PKP4: variants seen among roughly 807,000 people sequenced by gnomAD.
The protein encoded by PKP4 is plakophilin 4.
A neutral mutation model predicts 145.1 loss-of-function variants in PKP4; 90 were observed. That is an observed-to-expected ratio of 0.62 (90% CI 0.52 to 0.74). PKP4 has a LOEUF of 0.74. Ranked by LOEUF, PKP4 falls within the 30% of genes least tolerant of loss-of-function variation. The probability of loss-of-function intolerance (pLI) is 0.00; values close to 1 mark genes in which losing one functional copy is unlikely to be tolerated. For synonymous variants in PKP4, 563 were observed against 577.2 expected (o/e 0.98, Z 0.35); for missense variants, 1,340 against 1,482.7 (o/e 0.90, Z 1.58).
Position 158,578,966 on chromosome 2 carries a change from A to G in PKP4, c.245+1583A>G, listed in dbSNP as rs371430862. Among the ~76,000 whole-genome samples, 6 of 152,280 alleles carry G rather than the reference A, an allele frequency of 3.9e-5. No individual in the cohort carries two copies. The East Asian group carries it at 1.2e-3, about 29-fold the overall frequency. The stretch of plus-strand genomic sequence containing the variant: ...AGTAAGCACTAGAGGTGGATTTTAT[A>G]CCCATAGAGGAGCTAAAGAATGAAG... On this transcript the variant is annotated intron_variant, in intron 3 of 21. Transcript: ENST00000389759.
Position 158,587,529 on chromosome 2 carries a change from G to A in PKP4, c.245+10146G>A, listed in dbSNP as rs528277575. Among the ~76,000 whole-genome samples the A allele has an allele frequency of 2.6e-5, 4 of 152,030 alleles. No individual in the cohort carries two copies. In the South Asian group the frequency reaches 6.2e-4, roughly 24 times the overall value. ...AAGATGCTTGAACAGATTTGCCTTC[G>A]CTGCTTTATAGGAGTTAGTAATTAC... On this transcript the variant is annotated intron_variant, in intron 3 of 21. Transcript: ENST00000389759.
chr2:158,644,906 T>G (rs1266814097), intron 11 of PKP4, among the ~76,000 whole-genome samples: 3 of 152,188 alleles, frequency 2.0e-5, no homozygotes, highest in Non-Finnish European at 4.4e-5. Flanking sequence ...ATGCTTGAGA[T>G]ATTTAATTTA....
In PKP4 at chr2:158,622,230, G is replaced by C. The variant is rs187272276; in HGVS notation, c.603+809G>C. Among the ~76,000 whole-genome samples, 16 of 152,174 alleles carry C rather than the reference G, an allele frequency of 1.1e-4. No individual in the cohort carries two copies. In the East Asian group the frequency reaches 2.9e-3, roughly 28 times the overall value. On this transcript the variant is annotated intron_variant, in intron 6 of 21. Transcript: ENST00000389759. Reference sequence around the variant, plus strand: ...CTTTTCTTTTACTAGATAGAATACAGCTATTCCTGCTTAAAGAAAGTTATT... The same window carrying C: ...CTTTTCTTTTACTAGATAGAATACACCTATTCCTGCTTAAAGAAAGTTATT...
chr2:158,508,379 A>G (rs945287547), intron 1 of PKP4, among the ~76,000 whole-genome samples: 1 of 138,726 alleles, frequency 7.2e-6, no homozygotes, highest in Admixed American at 7.6e-5. Flanking sequence ...AAAAAAAAAA[A>G]AAAAAAAAAG....
intron 8 of PKP4, among the ~76,000 whole-genome samples, chr2:158,633,048 T>C (rs772273160): frequency 2.0e-5 from 3 of 152,224 alleles, no homozygotes; most frequent in Non-Finnish European, 4.4e-5. Flanking sequence ...GGAGTAGCTG[T>C]AGAATCATTT....
chr2:158,471,125 GGA>G (rs1474164630), intron 1 of PKP4, among the ~76,000 whole-genome samples: 1 of 152,204 alleles, frequency 6.6e-6, no homozygotes, highest in Admixed American at 6.5e-5. Context: ...TGGAGGTGAA[GGA>G]GAGAGAATGA....
chr2:158,581,851 T>A (rs2048360860), intron 3 of PKP4, among the ~76,000 whole-genome samples: 1 of 152,248 alleles, frequency 6.6e-6, no homozygotes, highest in African/African-American at 2.4e-5. Flanking sequence ...ATAAAATTCC[T>A]TAGTTTTTCT....
At chr2:158,581,276 G>A (rs1162518146) in intron 3 of PKP4, among the ~76,000 whole-genome samples, 1 of 152,120 alleles carries the variant, frequency 6.6e-6, no homozygotes, top group African/African-American at 2.4e-5. Flanking sequence ...GGGCCATCAA[G>A]CTTCTGTTTG....
intron 7 of PKP4, 42 bp from the exon 8 acceptor site, chr2:158,631,711 T>A: frequency 6.6e-7 from 1 of 1,509,006 alleles, no homozygotes. Context: ...AACCTCACTG[T>A]GATTGTCTCA....
chr2:158,677,567 A>G (rs2058115531), intron 20 of PKP4, among the ~76,000 whole-genome samples: 1 of 152,216 alleles, frequency 6.6e-6, no homozygotes, highest in Non-Finnish European at 1.5e-5. Flanking sequence ...GAGCTACCCC[A>G]CAAAAAGTAC....
chr2:158,461,143 G>T (rs992426862), intron 1 of PKP4, among the ~76,000 whole-genome samples: 3 of 152,128 alleles, frequency 2.0e-5, no homozygotes, highest in African/African-American at 7.2e-5. Context: ...GCTGGTTTCA[G>T]TTCAGAAGTT....
At chr2:158,540,504 G>A (rs2044422460) in intron 2 of PKP4, among the ~76,000 whole-genome samples, 1 of 152,156 alleles carries the variant, frequency 6.6e-6, no homozygotes, top group Non-Finnish European at 1.5e-5. Context: ...GGGATAAGTA[G>A]ACATATAAAG....
intron 1 of PKP4, among the ~76,000 whole-genome samples, chr2:158,472,331 C>T (rs760548269): frequency 5.3e-4 from 80 of 151,796 alleles, no homozygotes; most frequent in Admixed American, 1.5e-3. Context: ...AGAATTAGGC[C>T]GGGCGTGGTG....
intron 1 of PKP4, among the ~76,000 whole-genome samples, chr2:158,466,836 A>C (rs1443539043): frequency 6.6e-6 from 1 of 152,256 alleles, no homozygotes; most frequent in Non-Finnish European, 1.5e-5. Context: ...GCACCAATCA[A>C]GCACCAAGAC....
At position 158,566,479 on chromosome 2, in the gene PKP4, A is replaced by AATATATATATATATATATATATATAT. The variant is rs561964313; in HGVS notation, c.133-10779_133-10778insTATATATATATATATATATATATATA. Reference sequence around the variant, plus strand: ...GCATCATTGGTCTTAATAATTTTGAAATATATATATATAAAACCCAAATTG... The same window carrying AATATATATATATATATATATATATAT: ...GCATCATTGGTCTTAATAATTTTGAAATATATATATATATATATATATATATATATATATATATAAAACCCAAATTG... On this transcript the variant is annotated intron_variant, in intron 2 of 21. Coordinates refer to ENST00000389759, the MANE Select transcript of PKP4 (RefSeq NM_003628.6). Among the ~76,000 whole-genome samples the AATATATATATATATATATATATATAT allele has an allele frequency of 1.8e-3, 266 of 151,160 alleles. 2 individuals are homozygous for AATATATATATATATATATATATATAT. The highest frequency in any genetic ancestry group is 5.9e-3 in the African/African-American group (239 of 40,824).
chr2:158,468,922 A>C (rs571517113), intron 1 of PKP4, among the ~76,000 whole-genome samples: 1 of 151,712 alleles, frequency 6.6e-6, no homozygotes, highest in South Asian at 2.1e-4. Flanking sequence ...CTACAGGCAC[A>C]TGCTACCATG....
chr2:158,467,958 GCGT>G (rs1444886787), intron 1 of PKP4, among the ~76,000 whole-genome samples: 4 of 152,156 alleles, frequency 2.6e-5, no homozygotes, highest in Non-Finnish European at 5.9e-5. Flanking sequence ...CCAGGTTGCT[GCGT>G]GTATCGATAG....
chr2:158,564,340 T>G (rs1379820716), intron 2 of PKP4, among the ~76,000 whole-genome samples: 1 of 152,164 alleles, frequency 6.6e-6, no homozygotes, highest in Non-Finnish European at 1.5e-5. Flanking sequence ...AAGCAACAGA[T>G]AAGAGTCCAA....
intron 3 of PKP4, among the ~76,000 whole-genome samples, chr2:158,594,849 G>A (rs1484814561): frequency 1.3e-5 from 2 of 152,178 alleles, no homozygotes; most frequent in Non-Finnish European, 2.9e-5. Context: ...GGTCCTGAGA[G>A]CCCCTCCGAG....
Sources: gnomAD v4.1 joint callset for allele counts (sites outside exome capture counted in the v4.1 genomes callset) on GRCh38, gnomAD v4.1.1 for gene constraint, MANE v1.5 for transcripts, NCBI Gene and HGNC (gene_info 2026-07-23, HGNC 2026-07-21) for gene names.